PDE1C: variants seen among roughly 807,000 people sequenced by gnomAD.
PDE1C encodes phosphodiesterase 1C, also known as dual specificity calcium/calmodulin-dependent 3',5'-cyclic nucleotide phosphodiesterase 1C.
A neutral mutation model predicts 93.1 loss-of-function variants in PDE1C; 62 were observed. The observed-to-expected ratio is 0.67, with a 90% CI of 0.54 to 0.82. The LOEUF (loss-of-function observed/expected upper bound fraction) is 0.82, where lower values mean the gene tolerates loss of function less well. PDE1C is among the 40% of genes least tolerant of loss of function. The probability of loss-of-function intolerance (pLI) is 0.00; values close to 1 mark genes in which losing one functional copy is unlikely to be tolerated. For synonymous variants in PDE1C, 325 were observed against 310.1 expected (o/e 1.05, Z -0.50); for missense variants, 742 against 884.6 (o/e 0.84, Z 2.04).
intron 3 of PDE1C, among the ~76,000 whole-genome samples, chr7:32,082,325 T>A (rs1796733229): frequency 6.6e-6 from 1 of 152,192 alleles, no homozygotes; most frequent in Non-Finnish European, 1.5e-5. Flanking sequence ...CGCCCGCCAT[T>A]GCCCAGGCTT....
chr7:32,038,744 G>A (rs1465372861), intron 2 of PDE1C, among the ~76,000 whole-genome samples: 2 of 152,062 alleles, frequency 1.3e-5, no homozygotes, highest in Non-Finnish European at 2.9e-5. Flanking sequence ...TATCAAAGAG[G>A]GGGGATCATC....
chr7:31,698,064 A>T, the PDE1C span, among the ~76,000 whole-genome samples: 1 of 152,244 alleles, frequency 6.6e-6, no homozygotes, highest in African/African-American at 2.4e-5. Context: ...ACCTAGGTCT[A>T]TCTCACCTTT....
chr7:32,217,454 C>G (rs1295098868), intron 1 of PDE1C, among the ~76,000 whole-genome samples: 1 of 136,718 alleles, frequency 7.3e-6, no homozygotes, highest in Non-Finnish European at 1.6e-5. Context: ...AAAGGCTTGA[C>G]TTCCTTTGCC....
At chr7:32,074,050 GCATACATACA>G (rs1325908076), upstream of PDE1C, among the ~76,000 whole-genome samples, 1 of 152,006 alleles carries the variant, frequency 6.6e-6, no homozygotes, top group Non-Finnish European at 1.5e-5. Flanking sequence ...ATGTATGCAT[GCATACATACA>G]TATAACCAAC....
chr7:31,955,032 C>T (rs908152178), intron 2 of PDE1C, among the ~76,000 whole-genome samples: 17 of 152,172 alleles, frequency 1.1e-4, no homozygotes, highest in Admixed American at 3.3e-4. Context: ...AATAACTTTT[C>T]GCTCAGTCCC....
chr7:32,313,847 A>G (rs1176908243), intron 1 of PDE1C, among the ~76,000 whole-genome samples: 1 of 152,032 alleles, frequency 6.6e-6, no homozygotes, highest in Admixed American at 6.6e-5. Context: ...TGGCACATGT[A>G]TATGTATGTA....
chr7:32,279,635 AT>A (rs1286317638), intron 1 of PDE1C, among the ~76,000 whole-genome samples: 1 of 152,154 alleles, frequency 6.6e-6, no homozygotes, highest in African/African-American at 2.4e-5. Flanking sequence ...AAAAGAAAAT[AT>A]AATCTATATA....
chr7:31,983,963 G>T (rs921138401), intron 2 of PDE1C, among the ~76,000 whole-genome samples: 1 of 152,154 alleles, frequency 6.6e-6, no homozygotes, highest in Admixed American at 6.5e-5. Context: ...CAAAGATGCT[G>T]CAGGCTGCCC....
chr7:32,251,432 T>C (rs570361818), intron 1 of PDE1C, among the ~76,000 whole-genome samples: 1 of 152,300 alleles, frequency 6.6e-6, no homozygotes, highest in African/African-American at 2.4e-5. Flanking sequence ...CCTTCACTCC[T>C]TTTCCCTCGC....
intron 1 of PDE1C, among the ~76,000 whole-genome samples, chr7:32,053,719 G>C (rs1368527846): frequency 1.3e-5 from 2 of 152,208 alleles, no homozygotes; most frequent in Non-Finnish European, 2.9e-5. Flanking sequence ...GCACTGCTGG[G>C]AGTTCTGAAA....
chr7:31,700,782 A>G, the PDE1C span, among the ~76,000 whole-genome samples: 1 of 152,126 alleles, frequency 6.6e-6, no homozygotes, highest in Non-Finnish European at 1.5e-5. Context: ...GCCCTTATGA[A>G]TTATGTTAAA....
Position 32,322,009 on chromosome 7 carries a change from G to A in PDE1C, c.310+105813C>T, listed in dbSNP as rs994556934. On this transcript the variant is annotated intron_variant, in intron 1 of 1. Coordinates refer to the PDE1C transcript ENST00000672256. ...ATGATGGGAACTAAAGACAAAACGA[G>A]TAGTAATAATAGTTGAATTCACTGA... 2.6e-5 allele frequency among the ~76,000 whole-genome samples: 4 copies of A among 152,202 alleles called. No individual in the cohort carries two copies. In the South Asian group the frequency reaches 6.2e-4, roughly 24 times the overall value.
chr7:32,197,996 C>G (rs1227855664), intron 2 of PDE1C, among the ~76,000 whole-genome samples: 1 of 152,044 alleles, frequency 6.6e-6, no homozygotes, highest in Non-Finnish European at 1.5e-5. Context: ...TTTTTTAAAA[C>G]TAAATAGCAG....
chr7:32,285,962 G>A (rs1811975600), intron 1 of PDE1C, among the ~76,000 whole-genome samples: 1 of 152,156 alleles, frequency 6.6e-6, no homozygotes, highest in Non-Finnish European at 1.5e-5. Flanking sequence ...TTACTTCTCA[G>A]TGTCAGTCTC....
chr7:31,698,759 G>C, the PDE1C span, among the ~76,000 whole-genome samples: 1 of 152,206 alleles, frequency 6.6e-6, no homozygotes, highest in Non-Finnish European at 1.5e-5. Flanking sequence ...AATCTAGTTA[G>C]ATGAAGAATG....
chr7:31,617,787 A>T, the PDE1C span, among the ~76,000 whole-genome samples: 3 of 152,134 alleles, frequency 2.0e-5, no homozygotes, highest in African/African-American at 7.2e-5. Context: ...GATAATAAAG[A>T]TAAAATGAAA....
intron 15 of PDE1C, among the ~76,000 whole-genome samples, chr7:31,811,279 C>T (rs1787515879): frequency 1.3e-5 from 2 of 152,172 alleles, no homozygotes; most frequent in South Asian, 4.1e-4. Context: ...TGAAGCCTCC[C>T]CAGCCACGTG....
chr7:31,915,406 C>T (rs533090813), intron 2 of PDE1C, among the ~76,000 whole-genome samples: 2 of 152,296 alleles, frequency 1.3e-5, no homozygotes, highest in South Asian at 2.1e-4. Flanking sequence ...AAAATCCCTG[C>T]CTAGCCAGGA....
chr7:32,080,061 A>C (rs552142250), intron 3 of PDE1C, among the ~76,000 whole-genome samples: 1 of 152,302 alleles, frequency 6.6e-6, no homozygotes, highest in Non-Finnish European at 1.5e-5. Flanking sequence ...AGGGAACAAC[A>C]TGTGCAAAGA....
Sources: gnomAD v4.1 joint callset for allele counts (sites outside exome capture counted in the v4.1 genomes callset) on GRCh38, gnomAD v4.1.1 for gene constraint, MANE v1.5 for transcripts, NCBI Gene and HGNC (gene_info 2026-07-23, HGNC 2026-07-21) for gene names.